The following GABRP variants were observed in gnomAD, a reference collection of about 807,000 sequenced individuals.
The protein encoded by GABRP is gamma-aminobutyric acid receptor subunit pi.
GABRP carries 52 observed loss-of-function variants against 47.8 expected under a neutral mutation model. That is an observed-to-expected ratio of 1.09 (90% CI 0.87 to 1.37). The LOEUF (loss-of-function observed/expected upper bound fraction) is 1.37. Among genes scored for constraint, GABRP ranks in the 40% most tolerant of loss-of-function variants. The probability of loss-of-function intolerance (pLI) is 0.00; values close to 1 mark genes in which losing one functional copy is unlikely to be tolerated. For synonymous variants in GABRP, 221 were observed against 205.8 expected (o/e 1.07, Z -0.63); for missense variants, 525 against 542.8 (o/e 0.97, Z 0.33).
chr5:170,808,846 C>T (rs1485872353), intron 8 of GABRP, 94 bp downstream of exon 8: 1 of 1,060,560 alleles, frequency 9.4e-7, no homozygotes, highest in Non-Finnish European at 1.4e-6. Flanking sequence ...ATTCCTAAGG[C>T]AGTTCCAAGA....
rs1300336290 is a variant in GABRP, at chr5:170,793,846, C to T, written c.173-385C>T. Among the ~76,000 whole-genome samples the T allele has an allele frequency of 3.3e-5, 5 of 152,182 alleles. No individual in the cohort carries two copies. The East Asian group carries it at 5.8e-4, about 18-fold the overall frequency. ...ACTTGGGAGGCTGAGGCAGGAGAATCGCTTGAACCTGGGAGGCGGAGTTTG... is the reference window on the plus strand; with the variant it reads ...ACTTGGGAGGCTGAGGCAGGAGAATTGCTTGAACCTGGGAGGCGGAGTTTG... On this transcript the variant is annotated intron_variant, in intron 3 of 9. Transcript: ENST00000265294.
Position 170,801,577 on chromosome 5 carries a change from T to C in GABRP, c.541+4029T>C, listed in dbSNP as rs1224676346. On this transcript the variant is annotated intron_variant, in intron 6 of 9. Coordinates refer to ENST00000265294, the MANE Select transcript of GABRP (RefSeq NM_014211.3). ...CCTTTCCTGTGTCTGCTAAGGAAAG[T>C]CTTTTTTCTCATTCTAATACTTTAG... is the stretch of plus-strand genomic sequence containing the variant. Among the ~76,000 whole-genome samples, 3 of 152,160 alleles carry C rather than the reference T, an allele frequency of 2.0e-5. No individual in the cohort carries two copies. The East Asian group carries it at 5.8e-4, about 29-fold the overall frequency.
intron 6 of GABRP, among the ~76,000 whole-genome samples, chr5:170,803,393 G>C (rs988511237): frequency 6.6e-6 from 1 of 152,132 alleles, no homozygotes; most frequent in Non-Finnish European, 1.5e-5. Flanking sequence ...TGTGACTCTG[G>C]GTGAGTAACT....
At chr5:170,792,169 G>A (rs1034493841) in intron 3 of GABRP, among the ~76,000 whole-genome samples, 8 of 152,184 alleles carry the variant, frequency 5.3e-5, no homozygotes, top group Admixed American at 1.3e-4. Flanking sequence ...TAGGCCAAGC[G>A]CAGTGGCTCA....
At chr5:170,811,442 A>G (rs943040550) in intron 9 of GABRP, among the ~76,000 whole-genome samples, 2 of 151,854 alleles carry the variant, frequency 1.3e-5, no homozygotes, top group African/African-American at 2.4e-5. Flanking sequence ...GCTGATTTCT[A>G]TTATCTCTCG....
At chr5:170,797,380 G>T (rs1242145855) in intron 5 of GABRP, 86 bp from the exon 6 acceptor site, 2 of 819,904 alleles carry the variant, frequency 2.4e-6, no homozygotes, top group Admixed American at 3.5e-5. Flanking sequence ...TCCAGTGAAA[G>T]TCTTCTTTGA....
Position 170,812,342 on chromosome 5 carries a change from C to CATTGGATGTGGGTG in GABRP, c.*84_*85insATTGGATGTGGGTG. On this transcript the variant is annotated 3_prime_UTR_variant, in exon 10 of 10. Coordinates refer to ENST00000265294, the MANE Select transcript of GABRP (RefSeq NM_014211.3). ...ATGGTATTTTAGGCCAAGTGTGCAC[C>CATTGGATGTGGGTG]CACATCCAATGGTGCTACAAGTGAC... The CATTGGATGTGGGTG allele has an allele frequency of 2.9e-6, 3 of 1,049,446 alleles. No individual in the cohort carries two copies. Among genetic ancestry groups the CATTGGATGTGGGTG allele is most frequent in the Non-Finnish European group, 4.2e-6 (3 of 707,222 alleles). The allele number at this position is 1,049,446 out of a possible 1,614,324, so 65.0% of individuals were successfully genotyped here.
chr5:170,785,075 C>T (rs1385936955), intron 1 of GABRP, among the ~76,000 whole-genome samples: 6 of 152,232 alleles, frequency 3.9e-5, no homozygotes, highest in African/African-American at 1.4e-4. Context: ...TGGCCTGAGC[C>T]TCCATTGAGG....
chr5:170,799,025 G>A (rs1013901929), intron 6 of GABRP, among the ~76,000 whole-genome samples: 1 of 146,112 alleles, frequency 6.8e-6, no homozygotes, highest in Non-Finnish European at 1.5e-5. Flanking sequence ...GTGAGAACAT[G>A]CGGTGTTTGG....
At chr5:170,790,623 G>A (rs560676600) in intron 3 of GABRP, among the ~76,000 whole-genome samples, 15 of 152,188 alleles carry the variant, frequency 9.9e-5, no homozygotes, top group Non-Finnish European at 2.1e-4. Context: ...TCTGGCCTCA[G>A]GGAAGGAGAG....
chr5:170,782,966 A>T (rs1220714060), upstream of GABRP: 1 of 152,312 alleles, frequency 6.6e-6, no homozygotes, highest in Non-Finnish European at 1.5e-5. Context: ...CCCAGAGCTC[A>T]GTGAGCACTG....
chr5:170,794,578 A>G lies in GABRP; in HGVS notation c.240+280A>G, dbSNP rs1284732389. Among the ~76,000 whole-genome samples the G allele has an allele frequency of 4.6e-5, 7 of 152,144 alleles. No homozygotes were observed. The East Asian group carries it at 1.4e-3, about 29-fold the overall frequency. On this transcript the variant is annotated intron_variant, in intron 4 of 9. Transcript: ENST00000265294. Reference sequence around the variant, plus strand: ...TTCAAGAGCCAGAAGGAGAGAAACCAGGCAATGAAGTGGGTACACTTGGTG... The same window carrying G: ...TTCAAGAGCCAGAAGGAGAGAAACCGGGCAATGAAGTGGGTACACTTGGTG...
intron 6 of GABRP, among the ~76,000 whole-genome samples, chr5:170,799,466 T>C (rs544490178): frequency 6.4e-4 from 97 of 152,290 alleles, no homozygotes; most frequent in African/African-American, 2.3e-3. Context: ...TTTTAATGAT[T>C]GCCATTCTAA....
At chr5:170,798,199 G>T (rs907016366) in intron 6 of GABRP, among the ~76,000 whole-genome samples, 1 of 152,136 alleles carries the variant, frequency 6.6e-6, no homozygotes, top group Non-Finnish European at 1.5e-5. Flanking sequence ...CCGCCACCAC[G>T]CCCGGCTAAT....
chr5:170,785,160 C>T (rs1490225420), intron 1 of GABRP, among the ~76,000 whole-genome samples: 3 of 152,204 alleles, frequency 2.0e-5, no homozygotes, highest in Admixed American at 1.3e-4. Flanking sequence ...CTGCACTTGT[C>T]ACTTGGGATG....
intron 1 of GABRP, among the ~76,000 whole-genome samples, chr5:170,784,114 G>A (rs1765069512): frequency 6.6e-6 from 1 of 152,218 alleles, no homozygotes; most frequent in Admixed American, 6.5e-5. Context: ...CAGACACAGG[G>A]CACGCGCCGC....
chr5:170,788,544 C>A, intron 1 of GABRP, 30 bp from the exon 2 acceptor site: 1 of 1,510,878 alleles, frequency 6.6e-7, no homozygotes. Flanking sequence ...GTTGCACGGC[C>A]TTCCACTTAC....
intron 6 of GABRP, among the ~76,000 whole-genome samples, chr5:170,799,532 T>C (rs1765530845): frequency 2.0e-5 from 3 of 152,236 alleles, no homozygotes; most frequent in African/African-American, 4.8e-5. Flanking sequence ...TGATGGCCAG[T>C]GATGATGAGC....
At chr5:170,808,795 GGT>G in intron 8 of GABRP, 43 bp downstream of exon 8, 4 of 1,577,474 alleles carry the variant, frequency 2.5e-6, no homozygotes, top group Non-Finnish European at 3.5e-6. Flanking sequence ...TGGCTTATCA[GGT>G]TACTTACTTT....
Sources: allele counts gnomAD v4.1 joint callset (sites outside exome capture counted in the v4.1 genomes callset), GRCh38; gene constraint gnomAD v4.1.1; transcripts MANE v1.5; gene names NCBI Gene and HGNC (gene_info 2026-07-23, HGNC 2026-07-21).